The following POLQ variants were observed in gnomAD, a reference collection of about 807,000 sequenced individuals.
POLQ encodes DNA polymerase theta, also known as epididymis secretory sperm binding protein.
In POLQ, 233 loss-of-function variants were observed where a neutral mutation model predicts 259.2. The observed-to-expected ratio is 0.90, with a 90% confidence interval of 0.81 to 1.00. POLQ has a LOEUF of 1.00. POLQ is among the 50% of genes least tolerant of loss of function. The pLI is 0.00. For synonymous variants in POLQ, 1,025 were observed against 1,048.8 expected (o/e 0.98, Z 0.44); for missense variants, 2,871 against 3,051.6 (o/e 0.94, Z 1.39).
intron 6 of POLQ, among the ~76,000 whole-genome samples, chr3:121,532,126 A>AT (rs1289636795): frequency 6.6e-6 from 1 of 152,206 alleles, no homozygotes; most frequent in Non-Finnish European, 1.5e-5. Context: ...TAAAAATCAT[A>AT]TTTAATTCTT....
At chr3:121,496,762 T>A (rs1436479237) in intron 14 of POLQ, 46 bp downstream of exon 14, 1 of 1,563,688 alleles carries the variant, frequency 6.4e-7, no homozygotes. Flanking sequence ...TAACTCGACC[T>A]CAAATCACAG....
chr3:121,498,715 C>A, intron 12 of POLQ, 45 bp from the exon 13 acceptor site: 2 of 1,350,284 alleles, frequency 1.5e-6, no homozygotes, highest in South Asian at 1.3e-5. Context: ...TATTATATTA[C>A]AAAAAACCAT....
chr3:121,505,165 T>G (rs1250522728), intron 12 of POLQ, among the ~76,000 whole-genome samples: 1 of 152,124 alleles, frequency 6.6e-6, no homozygotes, highest in African/African-American at 2.4e-5. Flanking sequence ...TCTCTCTCAC[T>G]CTCTTCCTCT....
intron 25 of POLQ, among the ~76,000 whole-genome samples, chr3:121,451,099 ATT>A (rs2047671447): frequency 6.6e-6 from 1 of 152,104 alleles, no homozygotes; most frequent in African/African-American, 2.4e-5. Context: ...AAGCTTGTGC[ATT>A]TGTCACGTAG....
intron 7 of POLQ, among the ~76,000 whole-genome samples, chr3:121,526,009 G>A (rs758355839): frequency 3.3e-5 from 5 of 151,520 alleles, no homozygotes; most frequent in African/African-American, 7.3e-5. Context: ...AGGTTCTATC[G>A]GGGTTCTCTT....
At chr3:121,480,231 T>A (rs563751048) in intron 19 of POLQ, among the ~76,000 whole-genome samples, 1 of 152,136 alleles carries the variant, frequency 6.6e-6, no homozygotes, top group Admixed American at 6.5e-5. Flanking sequence ...TGAATAATCT[T>A]ACAGTTATTA....
chr3:121,497,551 C>T (rs759997292), intron 13 of POLQ, among the ~76,000 whole-genome samples: 1 of 152,206 alleles, frequency 6.6e-6, no homozygotes, highest in Non-Finnish European at 1.5e-5. Flanking sequence ...ATTCCCCCAC[C>T]TCAGCCTCCC....
intron 25 of POLQ, among the ~76,000 whole-genome samples, chr3:121,457,174 T>C (rs1298029826): frequency 6.6e-6 from 1 of 152,224 alleles, no homozygotes; most frequent in Admixed American, 6.5e-5. Context: ...GAAAACTGGC[T>C]AGCCATATGT....
intron 12 of POLQ, among the ~76,000 whole-genome samples, chr3:121,509,228 G>C (rs1036765852): frequency 6.6e-6 from 1 of 151,994 alleles, no homozygotes; most frequent in African/African-American, 2.4e-5. Flanking sequence ...ACTGACCTTT[G>C]CTTGAGTTTT....
chr3:121,538,546 T>G (rs1365257114), intron 4 of POLQ, among the ~76,000 whole-genome samples: 2 of 150,550 alleles, frequency 1.3e-5, no homozygotes, highest in Non-Finnish European at 3.0e-5. Flanking sequence ...AAAATTGTAC[T>G]GTCTGATGAG....
chr3:121,488,161 T>C lies in POLQ; in HGVS notation c.4770A>G (p.Ala1590=), dbSNP rs1560097022. 1.2e-6 allele frequency: 2 copies of C among 1,613,472 alleles called. No homozygotes were observed. Among genetic ancestry groups the C allele is most frequent in the East Asian group, 2.2e-5 (1 of 44,866 alleles). Residue 1590 remains alanine, a synonymous_variant, in exon 16 of 30, where the codon GCA becomes GCG. Transcript: ENST00000264233. ...CAAGTACTGGATCACTTAGTTCTAATGCTCTAGGAGATACTACAGTATGAT... is the reference window on the plus strand; with the variant it reads ...CAAGTACTGGATCACTTAGTTCTAACGCTCTAGGAGATACTACAGTATGAT... ...EKNHTVVSPR[A]LELSDPVLDE...
Position 121,490,399 on chromosome 3 carries a change from C to T in POLQ, c.2532G>A (p.Lys844=), listed in dbSNP as rs201415262. ...KNAVPFKSAR[K]AVDEEEEAVE... The stretch of plus-strand genomic sequence containing the variant: ...CTGCTTCCTCTTCCTCATCCACTGC[C>T]TTCCGGGCACTACACAAGGAGATGG... Residue 844 remains lysine, a synonymous_variant, in exon 16 of 30, where the codon AAG becomes AAA. Coordinates refer to ENST00000264233, the MANE Select transcript of POLQ (RefSeq NM_199420.4). 2.1e-5 allele frequency: 34 copies of T among 1,613,648 alleles called. No individual in the cohort carries two copies. In the East Asian group the frequency reaches 7.6e-4, roughly 36 times the overall value.
chr3:121,488,397 G>C lies in POLQ; in HGVS notation c.4534C>G (p.Pro1512Ala). The C allele has an allele frequency of 6.2e-7, 1 of 1,611,268 alleles. No homozygotes were observed. Among genetic ancestry groups the C allele is most frequent in the Admixed American group, 1.7e-5 (1 of 60,004 alleles). The change falls in exon 16 of 30, where the codon CCC becomes GCC. Residue 1512 changes from proline to alanine, a missense_variant. Around this residue, in one of 3 missense-constraint regions of POLQ, gnomAD observed 2,080 missense variants for 2,126.0 expected, o/e 0.98. Coordinates refer to ENST00000264233, the MANE Select transcript of POLQ (RefSeq NM_199420.4). ...EQLPDMQMKE[P>A]LPSEVTSNHF... ...TTTGATGTTACTTCTGAAGGAAGGG[G>C]TTCTTTCATTTGCATATCAGGTAAT...
At chr3:121,490,782 G>A (rs1455166957) in intron 15 of POLQ, among the ~76,000 whole-genome samples, 3 of 152,144 alleles carry the variant, frequency 2.0e-5, no homozygotes, top group African/African-American at 4.8e-5. Context: ...GGCCGGGCGC[G>A]GTAGCTCACA....
chr3:121,459,835 G>T (rs891650740), intron 25 of POLQ, among the ~76,000 whole-genome samples: 2 of 152,052 alleles, frequency 1.3e-5, no homozygotes, highest in Non-Finnish European at 2.9e-5. Flanking sequence ...TTCCTGACAC[G>T]AAGTAGCCTC....
intron 3 of POLQ, 141 bp downstream of exon 3, chr3:121,541,208 G>T (rs2048486991): frequency 2.8e-6 from 2 of 717,304 alleles, no homozygotes; most frequent in Admixed American, 2.7e-5. Flanking sequence ...AATGCTTTTG[G>T]CAGTAGCCTC....
rs780948477 is a variant in POLQ at position 121,467,591 on chromosome 3, T to C, written c.6895A>G (p.Met2299Val). The change falls in exon 24 of 30, where the codon ATG (methionine) becomes GTG (valine). Residue 2299 changes from methionine to valine, a missense_variant. Coordinates refer to ENST00000264233, the MANE Select transcript of POLQ (RefSeq NM_199420.4). ...CCTCTGTCTGCAGCTCTCTCCTCCATCTGTGCCTGGCATCTAGGATTCACG... is the reference window on the plus strand; with the variant it reads ...CCTCTGTCTGCAGCTCTCTCCTCCACCTGTGCCTGGCATCTAGGATTCACG... The part of the protein sequence containing the change: ...FSVNPRCQAQ[M>V]EERAADRGMP... 3.1e-6 allele frequency: 5 copies of C among 1,613,940 alleles called. No homozygotes were observed. Among genetic ancestry groups the C allele is most frequent in the South Asian group, 1.1e-5 (1 of 91,060 alleles).
chr3:121,494,055 A>T (rs1487359906), intron 14 of POLQ: 10 of 628,390 alleles, frequency 1.6e-5, no homozygotes, highest in Non-Finnish European at 2.8e-5. Context: ...CTCTTTCTTA[A>T]GCAAAAGAGA....
At chr3:121,505,665 T>A (rs2048203121) in intron 12 of POLQ, among the ~76,000 whole-genome samples, 1 of 151,850 alleles carries the variant, frequency 6.6e-6, no homozygotes, top group African/African-American at 2.4e-5. Context: ...GAAAAAAACA[T>A]GAAACTGAAG....
Sources: allele counts gnomAD v4.1 joint callset (sites outside exome capture counted in the v4.1 genomes callset), GRCh38; gene constraint gnomAD v4.1.1; regional missense constraint gnomAD v4.1.1; transcripts MANE v1.5; gene names NCBI Gene and HGNC (gene_info 2026-07-23, HGNC 2026-07-21).